The following AP5Z1 variants were observed in gnomAD, a reference collection of about 807,000 sequenced individuals.
AP5Z1 encodes AP-5 complex subunit zeta-1.
A neutral mutation model predicts 83.0 loss-of-function variants in AP5Z1; 106 were observed. The ratio of observed to expected loss-of-function variants is 1.28; its 90% CI spans 1.09 to 1.50. The LOEUF (loss-of-function observed/expected upper bound fraction) is 1.50. Ranked by LOEUF, AP5Z1 falls within the 40% of genes most tolerant of loss-of-function variation. AP5Z1 has a pLI of 0.00. For synonymous variants in AP5Z1, 751 were observed against 514.1 expected (o/e 1.46, Z -6.23); for missense variants, 1,565 against 1,094.2 (o/e 1.43, Z -6.07).
rs542742142 is a variant in AP5Z1 at position 4,789,203 on chromosome 7, C to T, written c.1707+252C>T. On this transcript the variant is annotated intron_variant, in intron 13 of 16. Transcript: ENST00000649063. ...CCATCCCCTTCATCCCGGCAGGCCA[C>T]GTCCCCCAATCCCCGTCCCATCCCC... 5.0e-4 allele frequency among the ~76,000 whole-genome samples: 73 copies of T among 146,132 alleles called. 1 individual carries two copies. The South Asian group carries it at 6.2e-3, about 12-fold the overall frequency.
At position 4,788,298 on chromosome 7, in the gene AP5Z1, C is replaced by T. The variant is rs141607676; in HGVS notation, c.1595+4C>T. 1.0e-4 allele frequency: 159 copies of T among 1,583,642 alleles called. 1 individual carries two copies. In the African/African-American group the frequency reaches 1.3e-3, roughly 13 times the overall value. On this transcript the variant is annotated splice_donor_region_variant and intron_variant, in intron 12 of 16. Coordinates refer to ENST00000649063, the MANE Select transcript of AP5Z1 (RefSeq NM_014855.3). ...AGGCCAGTGGCGCCACTGAGAGGTA[C>T]GGGGCCCTAGGGCCAGGGGGCCACC...
At chr7:4,787,493 TAAA>T (rs1033845594) in intron 10 of AP5Z1, 138 bp from the exon 11 acceptor site, 6 of 1,277,400 alleles carry the variant, frequency 4.7e-6, no homozygotes, top group Non-Finnish European at 6.3e-6. Flanking sequence ...CTCAAAAAAA[TAAA>T]AAGCGGGAGG....
intron 6 of AP5Z1, among the ~76,000 whole-genome samples, chr7:4,784,642 A>G (rs1781482634): frequency 6.6e-6 from 1 of 152,136 alleles, no homozygotes; most frequent in Admixed American, 6.5e-5. Flanking sequence ...CACTTAAGGC[A>G]GGCACCCTTA....
chr7:4,790,334 C>T (rs775274257), intron 14 of AP5Z1, 125 bp from the exon 15 acceptor site: 4 of 1,557,426 alleles, frequency 2.6e-6, no homozygotes, highest in South Asian at 1.2e-5. Context: ...CTGTGTTCCT[C>T]TATCGGAGGG....
intron 14 of AP5Z1, 173 bp downstream of exon 14, chr7:4,790,102 C>G: frequency 7.6e-7 from 1 of 1,323,496 alleles, no homozygotes. Context: ...CCAGGCACTT[C>G]TCTCTGCTTC....
Position 4,784,909 on chromosome 7 carries a change from T to G in AP5Z1, c.792T>G (p.Asp264Glu). 1 of 1,609,664 alleles carries G rather than the reference T, an allele frequency of 6.2e-7. No individual in the cohort carries two copies. Among genetic ancestry groups the G allele is most frequent in the Non-Finnish European group, 8.5e-7 (1 of 1,177,700 alleles). Residue 264 changes from aspartate to glutamate, a missense_variant and splice_region_variant, in exon 7 of 17, where the codon GAT (aspartate) becomes GAG (glutamate). Asp to Glu is a conservative substitution (Grantham distance 45). Transcript: ENST00000649063. ...GCTGAGAGTTCCCACCTCCCGCAGA[T>G]GACAGGTCAGAGCAGGAGGGCTCCA... ...GPEGPGTLDT[D>E]DRSEQEGSTL...
At position 4,791,315 on chromosome 7, in the gene AP5Z1, C is replaced by T. The variant is rs567731124; in HGVS notation, c.2354C>T (p.Thr785Met). The part of the protein sequence containing the change: ...CSPRYHRDAN[T>M]ALPLALRTVS... ...CCCCGCTATCACCGCGATGCCAACA[C>T]GGCCCTGCCCCTGGCCCTGCGCACG... Residue 785 changes from threonine to methionine, a missense_variant, in exon 17 of 17, where the codon ACG (threonine) becomes ATG (methionine). Physicochemically the swap from Thr to Met is moderately conservative, Grantham distance 81. Coordinates refer to ENST00000649063, the MANE Select transcript of AP5Z1 (RefSeq NM_014855.3). 1.9e-5 allele frequency: 31 copies of T among 1,611,868 alleles called. No homozygotes were observed. The Middle Eastern group carries it at 8.3e-4, about 43-fold the overall frequency.
Position 4,785,502 on chromosome 7 carries a change from A to T in AP5Z1, c.970-20A>T. The T allele has an allele frequency of 6.2e-7, 1 of 1,613,304 alleles. No homozygotes were observed. Among genetic ancestry groups the T allele is most frequent in the Non-Finnish European group, 8.5e-7 (1 of 1,179,688 alleles). ...GGGAGGCAGCGACTCGGCCCATTTG[A>T]TGTGGTCCATGTCCCGCAGTGCCTG... On this transcript the variant is annotated intron_variant, in intron 8 of 16. Coordinates refer to ENST00000649063, the MANE Select transcript of AP5Z1 (RefSeq NM_014855.3).
At position 4,781,359 on chromosome 7, in the gene AP5Z1, G is replaced by A. The variant is rs754361568; in HGVS notation, c.179+47G>A. On this transcript the variant is annotated intron_variant, in intron 2 of 16. Coordinates refer to ENST00000649063, the MANE Select transcript of AP5Z1 (RefSeq NM_014855.3). ...GCCGGCTCCTCACACAGCGGCCCCA[G>A]GAGAACCCAGCCCACGCCCAGCAGG... 2.5e-6 allele frequency: 4 copies of A among 1,608,748 alleles called. No individual in the cohort carries two copies. In the African/African-American group the frequency reaches 5.3e-5, roughly 21 times the overall value.
chr7:4,789,015 CAGCACTGGGGGGCCCTCTTGAGCT>C, intron 13 of AP5Z1, 64 bp downstream of exon 13: 1 of 1,411,618 alleles, frequency 7.1e-7, no homozygotes, highest in Non-Finnish European at 9.7e-7. Flanking sequence ...AGGCCAGAGC[CAGCACTGGGGGGCCCTCTTGAGCT>C]CTGCAGAAGG....
At chr7:4,786,209 C>T (rs372551109) in intron 9 of AP5Z1, 41 bp from the exon 10 acceptor site, 671 of 1,540,858 alleles carry the variant, frequency 4.4e-4, no homozygotes, top group Non-Finnish European at 5.5e-4. Context: ...ACGGCCAGGG[C>T]GAGGTCAAGA....
rs941751629 is a variant in AP5Z1 at position 4,794,163 on chromosome 7, G to C, written c.*2778G>C. 6.6e-6 allele frequency: 1 copy of C among 152,246 alleles called. No individual in the cohort carries two copies. The highest frequency in any genetic ancestry group is 1.5e-5 in the Non-Finnish European group (1 of 68,102). The allele number at this position is 152,246 out of a possible 1,614,324, so 9.4% of individuals were successfully genotyped here. A position where few individuals can be genotyped will look rare whatever the true frequency, so the allele number is the denominator to read the frequency against. ...CCTTTTTGTCAACACTCTGTATCTA[G>C]TTAATCTGGTGGGGACATGGAGAAC... On this transcript the variant is annotated 3_prime_UTR_variant, in exon 17 of 17. Coordinates refer to ENST00000649063, the MANE Select transcript of AP5Z1 (RefSeq NM_014855.3).
At chr7:4,788,386 GGC>G in intron 12 of AP5Z1, 92 bp downstream of exon 12, 1 of 1,409,690 alleles carries the variant, frequency 7.1e-7, no homozygotes, top group Non-Finnish European at 9.4e-7. Flanking sequence ...CCTAGGCTGA[GGC>G]CAGGGTGCTT....
chr7:4,780,446 C>G (rs1461087152), intron 1 of AP5Z1, among the ~76,000 whole-genome samples: 1 of 148,810 alleles, frequency 6.7e-6, no homozygotes, highest in East Asian at 2.0e-4. Flanking sequence ...TGGTGAAACC[C>G]CGTCTCTACT....
At chr7:4,790,259 C>T in intron 14 of AP5Z1, 200 bp from the exon 15 acceptor site, 2 of 1,544,370 alleles carry the variant, frequency 1.3e-6, no homozygotes, top group Non-Finnish European at 1.7e-6. Flanking sequence ...GAGCCTGGGC[C>T]TGAGGCCAGC....
At chr7:4,780,263 A>G (rs1781343404) in intron 1 of AP5Z1, among the ~76,000 whole-genome samples, 1 of 152,244 alleles carries the variant, frequency 6.6e-6, no homozygotes, top group South Asian at 2.1e-4. Context: ...TAGTTATTCG[A>G]GTAAAAAAAC....
In AP5Z1 at chr7:4,791,296, T is replaced by TATCA; in HGVS notation, c.2336_2339dup (p.His780GlnfsTer102). On this transcript the variant is annotated frameshift_variant, in exon 17 of 17. Transcript: ENST00000649063. LOFTEE classifies it high-confidence loss of function. ...CAGCACGGAGGTGTGCAGCCCCCGCTATCACCGCGATGCCAACACGGCCCT... is the reference window on the plus strand; with the variant it reads ...CAGCACGGAGGTGTGCAGCCCCCGCTATCAATCACCGCGATGCCAACACGGCCCT... The TATCA allele has an allele frequency of 6.2e-7, 1 of 1,612,502 alleles. No individual in the cohort carries two copies. Among genetic ancestry groups the TATCA allele is most frequent in the Non-Finnish European group, 8.5e-7 (1 of 1,179,806 alleles).
At position 4,778,713 on chromosome 7, in the gene AP5Z1, A is replaced by G. The variant is rs193009902; in HGVS notation, c.42-2462A>G. Among the ~76,000 whole-genome samples, 467 of 148,832 alleles carry G rather than the reference A, an allele frequency of 3.1e-3. 3 individuals carry two copies. Among genetic ancestry groups the G allele is most frequent in the African/African-American group, 0.01 (426 of 40,694 alleles). On this transcript the variant is annotated intron_variant, in intron 1 of 16. Coordinates refer to ENST00000649063, the MANE Select transcript of AP5Z1 (RefSeq NM_014855.3). Reference sequence around the variant, plus strand: ...GGGAAAGATTTTCCATTGTGTGTATATATGTATATGTGTGTATATATAATT... The same window carrying G: ...GGGAAAGATTTTCCATTGTGTGTATGTATGTATATGTGTGTATATATAATT...
At position 4,788,823 on chromosome 7, in the gene AP5Z1, C is replaced by A; in HGVS notation, c.1596-17C>A. The A allele has an allele frequency of 1.3e-6, 2 of 1,585,890 alleles. No individual in the cohort carries two copies. The highest frequency in any genetic ancestry group is 1.7e-6 in the Non-Finnish European group (2 of 1,166,822). On this transcript the variant is annotated splice_polypyrimidine_tract_variant and intron_variant, in intron 12 of 16. Transcript: ENST00000649063. ...GTCGGGGAGCGGGCAGCACTCACGGCCACACTGTGTCCTCAGGTTGGCGCC... is the reference window on the plus strand; with the variant it reads ...GTCGGGGAGCGGGCAGCACTCACGGACACACTGTGTCCTCAGGTTGGCGCC...
Sources: allele counts gnomAD v4.1 joint callset (sites outside exome capture counted in the v4.1 genomes callset), GRCh38; gene constraint gnomAD v4.1.1; transcripts MANE v1.5; gene names NCBI Gene and HGNC (gene_info 2026-07-23, HGNC 2026-07-21).